Variants in ELP4 observed in about 807,000 individuals in gnomAD.
The protein encoded by ELP4 is elongator acetyltransferase complex subunit 4.
Under a neutral mutation model 48.9 loss-of-function variants are expected in ELP4, and 51 were observed. The ratio of observed to expected loss-of-function variants is 1.04; its 90% CI spans 0.83 to 1.32. The LOEUF is 1.32. Ranked by LOEUF, ELP4 falls within the 40% of genes most tolerant of loss-of-function variation. ELP4 has a pLI of 0.00. For synonymous variants in ELP4, 210 were observed against 189.2 expected, an observed-to-expected ratio of 1.11 and a Z score of -0.90; for missense variants, 519 against 514.6, an observed-to-expected ratio of 1.01 and a Z score of -0.08.
intron 9 of ELP4, among the ~76,000 whole-genome samples, chr11:31,759,458 C>T (rs1947900442): frequency 6.6e-6 from 1 of 152,140 alleles, no homozygotes; most frequent in African/African-American, 2.4e-5. Flanking sequence ...TGCAAACTAT[C>T]CTTTCTTTTT....
intron 5 of ELP4, among the ~76,000 whole-genome samples, chr11:31,618,076 C>T (rs919906464): frequency 6.6e-6 from 1 of 151,896 alleles, no homozygotes; most frequent in African/African-American, 2.4e-5. Context: ...GTGGAAACAA[C>T]CCAGATGTCC....
chr11:31,576,763 A>G (rs1957287785), intron 3 of ELP4, among the ~76,000 whole-genome samples: 1 of 152,214 alleles, frequency 6.6e-6, no homozygotes, highest in Non-Finnish European at 1.5e-5. Context: ...GACACAACAT[A>G]CCAGAATCTC....
chr11:31,662,418 T>C (rs1161580159), intron 9 of ELP4: 1 of 393,992 alleles, frequency 2.5e-6, no homozygotes, highest in African/African-American at 2.1e-5. Flanking sequence ...ATTAGCAAAC[T>C]ATGGCCCATG....
chr11:31,790,074 T>A lies in ELP4; in HGVS notation c.*6550T>A, dbSNP rs574943290. 4.2e-6 allele frequency: 2 copies of A among 481,774 alleles called. No homozygotes were observed. The allele number at this position is 481,774 out of a possible 1,614,324, so 29.8% of individuals were successfully genotyped here. A position where few individuals can be genotyped will look rare whatever the true frequency, so the allele number is the denominator to read the frequency against. ...AGATATTCCCTTTGAGAAACAGACATGGAATACAAATTTATAGGTTTACAA... is the reference window on the plus strand; with the variant it reads ...AGATATTCCCTTTGAGAAACAGACAAGGAATACAAATTTATAGGTTTACAA... On this transcript the variant is annotated 3_prime_UTR_variant, in exon 10 of 10. Coordinates refer to ENST00000640961, the MANE Select transcript of ELP4 (RefSeq NM_019040.5).
chr11:31,722,362 T>C (rs1946980942), intron 9 of ELP4, among the ~76,000 whole-genome samples: 1 of 152,226 alleles, frequency 6.6e-6, no homozygotes, highest in Non-Finnish European at 1.5e-5. Context: ...CTTGGAAATA[T>C]TGAGCTAGTA....
chr11:31,542,467 A>G (rs1956608267), intron 3 of ELP4, among the ~76,000 whole-genome samples: 1 of 152,186 alleles, frequency 6.6e-6, no homozygotes, highest in African/African-American at 2.4e-5. Context: ...ACAATATTAG[A>G]AGTAACAATC....
chr11:31,701,557 C>T (rs1841226145), intron 9 of ELP4, among the ~76,000 whole-genome samples: 1 of 151,768 alleles, frequency 6.6e-6, no homozygotes, highest in East Asian at 1.9e-4. Flanking sequence ...AAAGCTATTG[C>T]CTAAACATAA....
chr11:31,606,034 G>T (rs1015970341), intron 5 of ELP4, among the ~76,000 whole-genome samples: 2 of 151,942 alleles, frequency 1.3e-5, no homozygotes, highest in African/African-American at 4.8e-5. Context: ...CAGCCTTGAG[G>T]ATATAATCCT....
chr11:31,706,988 A>G (rs2134165595), intron 9 of ELP4: 2 of 398,110 alleles, frequency 5.0e-6, no homozygotes, highest in South Asian at 2.5e-4. Flanking sequence ...CTTTTTTTGG[A>G]CACCTAGGTT....
intron 9 of ELP4, chr11:31,654,529 G>A (rs904773444): frequency 6.6e-6 from 1 of 151,634 alleles, no homozygotes; most frequent in Non-Finnish European, 1.5e-5. Flanking sequence ...TTATTCTCAA[G>A]TATTAAGACT....
At chr11:31,635,134 A>G (rs185438061) in intron 7 of ELP4, among the ~76,000 whole-genome samples, 14 of 152,142 alleles carry the variant, frequency 9.2e-5, no homozygotes, top group Non-Finnish European at 1.5e-4. Flanking sequence ...TTATATAAAT[A>G]TGAAGTAAAA....
chr11:31,517,244 C>T (rs1319486054), intron 1 of ELP4, among the ~76,000 whole-genome samples: 1 of 151,546 alleles, frequency 6.6e-6, no homozygotes. Flanking sequence ...AGTGCAGTGG[C>T]ATGATCTCAA....
chr11:31,537,458 A>G (rs1366318860), intron 2 of ELP4, among the ~76,000 whole-genome samples: 2 of 152,120 alleles, frequency 1.3e-5, no homozygotes, highest in Admixed American at 6.6e-5. Context: ...CTTTGTTCAG[A>G]TTTCTTTGAC....
At chr11:31,749,883 T>C (rs1947682372) in intron 9 of ELP4, among the ~76,000 whole-genome samples, 1 of 147,724 alleles carries the variant, frequency 6.8e-6, no homozygotes, top group African/African-American at 2.5e-5. Context: ...TGAGACGGAG[T>C]CTCGCTCTGT....
intron 3 of ELP4, among the ~76,000 whole-genome samples, chr11:31,579,854 C>T (rs766813488): frequency 6.6e-6 from 1 of 151,934 alleles, no homozygotes; most frequent in Non-Finnish European, 1.5e-5. Context: ...TTAGCGGGTC[C>T]AGCACACCAA....
intron 9 of ELP4, among the ~76,000 whole-genome samples, chr11:31,670,883 T>C (rs1945793103): frequency 6.6e-6 from 1 of 152,116 alleles, no homozygotes. Flanking sequence ...TTATAGTTCC[T>C]ACTTTTTATT....
Position 31,750,853 on chromosome 11 carries a change from TC to T in ELP4, c.1144-32539del, listed in dbSNP as rs369099536. On this transcript the variant is annotated intron_variant, in intron 9 of 9. Transcript: ENST00000640961. Reference sequence around the variant, plus strand: ...GTTCAGCTCCATGTCCAGGCTTAGTTCACTGTATTCTATTCATGATTCACCT... The same window carrying T: ...GTTCAGCTCCATGTCCAGGCTTAGTTACTGTATTCTATTCATGATTCACCT... 5.0e-3 allele frequency among the ~76,000 whole-genome samples: 763 copies of T among 152,322 alleles called. 3 individuals carry two copies. The highest frequency in any genetic ancestry group is 0.027 in the Middle Eastern group (8 of 294).
intron 9 of ELP4, among the ~76,000 whole-genome samples, chr11:31,678,570 C>T (rs967999991): frequency 6.7e-6 from 1 of 150,246 alleles, no homozygotes; most frequent in Non-Finnish European, 1.5e-5. Flanking sequence ...TCTCCTATGT[C>T]TTTCTCTGGC....
intron 9 of ELP4, among the ~76,000 whole-genome samples, chr11:31,735,876 A>G (rs1267713808): frequency 1.3e-5 from 2 of 152,212 alleles, no homozygotes; most frequent in Admixed American, 1.3e-4. Context: ...GGAAGAATCA[A>G]TATCGTGAAA....
Sources: allele counts gnomAD v4.1 joint callset (sites outside exome capture counted in the v4.1 genomes callset), GRCh38; gene constraint gnomAD v4.1.1; transcripts MANE v1.5; gene names NCBI Gene and HGNC (gene_info 2026-07-23, HGNC 2026-07-21).